Variants in SETMAR observed in about 807,000 individuals in gnomAD.
SETMAR encodes SET and mariner transposase domain methyltransferase.
In SETMAR, 44 loss-of-function variants were observed where a neutral mutation model predicts 58.4. The ratio of observed to expected loss-of-function variants is 0.75; its 90% confidence interval spans 0.59 to 0.97. The LOEUF (loss-of-function observed/expected upper bound fraction) is 0.97, where lower values mean the gene tolerates loss of function less well. Ranked by LOEUF, SETMAR falls within the 50% of genes least tolerant of loss-of-function variation. The pLI is 0.00. For synonymous variants in SETMAR, 332 were observed against 307.4 expected (o/e 1.08, Z -0.84); for missense variants, 903 against 840.2 (o/e 1.07, Z -0.92).
At chr3:4,310,713 T>C (rs555204955) in intron 1 of SETMAR, among the ~76,000 whole-genome samples, 2 of 152,302 alleles carry the variant, frequency 1.3e-5, no homozygotes, top group African/African-American at 4.8e-5. Flanking sequence ...GAAATAAAAC[T>C]GTTTTTCACC....
At position 4,316,969 on chromosome 3, in the gene SETMAR, A is replaced by G. The variant is rs1698686902; in HGVS notation, c.1778A>G (p.His593Arg). 1 of 1,549,356 alleles carries G rather than the reference A, an allele frequency of 6.5e-7. No individual in the cohort carries two copies. The highest frequency in any genetic ancestry group is 8.7e-7 in the Non-Finnish European group (1 of 1,146,776). The change falls in exon 3 of 3, where the codon CAT becomes CGT. Residue 593 changes from histidine to arginine, a missense_variant. His to Arg is a conservative substitution (Grantham distance 29). Transcript: ENST00000358065. Reference protein sequence around the residue: ...PILLHDNARPHVAQPTLQKLN... With the variant: ...PILLHDNARPRVAQPTLQKLN... ...CTTCTCCACGACAATGCCCGACCGCATGTTGCACAACCCACACTTCAAAAG... is the reference window on the plus strand; with the variant it reads ...CTTCTCCACGACAATGCCCGACCGCGTGTTGCACAACCCACACTTCAAAAG...
chr3:4,313,954 C>T, intron 2 of SETMAR, 193 bp downstream of exon 2: 3 of 989,354 alleles, frequency 3.0e-6, no homozygotes, highest in Non-Finnish European at 4.3e-6. Flanking sequence ...ACCCAGAATA[C>T]TCACTTTCCT....
At chr3:4,313,920 T>C (rs1386616753) in intron 2 of SETMAR, 159 bp downstream of exon 2, 1 of 1,319,630 alleles carries the variant, frequency 7.6e-7, no homozygotes, top group East Asian at 2.5e-5. Flanking sequence ...AATAGAATTC[T>C]CCATTTAACA....
chr3:4,306,747 C>CAT (rs1406508067), intron 1 of SETMAR, among the ~76,000 whole-genome samples: 1 of 152,236 alleles, frequency 6.6e-6, no homozygotes, highest in Non-Finnish European at 1.5e-5. Context: ...CCTTCACAGG[C>CAT]ATATGCACAC....
At chr3:4,311,065 G>A (rs1282011806) in intron 1 of SETMAR, among the ~76,000 whole-genome samples, 1 of 152,122 alleles carries the variant, frequency 6.6e-6, no homozygotes, top group Non-Finnish European at 1.5e-5. Flanking sequence ...AAAGCTGTAA[G>A]AAACAACACA....
chr3:4,316,192 G>C lies in SETMAR; in HGVS notation c.1021-20G>C. The C allele has an allele frequency of 1.5e-6, 1 of 664,840 alleles. No individual in the cohort carries two copies. Among genetic ancestry groups the C allele is most frequent in the Non-Finnish European group, 2.7e-6 (1 of 366,732 alleles). 41.2% of individuals were successfully genotyped at this position (664,840 alleles called of 1,614,324 possible). ...TTTTTTTGCTAATGACATCTTACTT[G>C]CTGTTTATGTTTATTTTAGACTATG... On this transcript the variant is annotated intron_variant, in intron 2 of 2. Coordinates refer to ENST00000358065, the MANE Select transcript of SETMAR (RefSeq NM_006515.4).
Position 4,312,927 on chromosome 3 carries a change from A to G in SETMAR, c.186A>G (p.Gly62=). 2 of 1,613,256 alleles carry G rather than the reference A, an allele frequency of 1.2e-6. No individual in the cohort carries two copies. Among genetic ancestry groups the G allele is most frequent in the East Asian group, 2.2e-5 (1 of 44,886 alleles). ...CTCCTGATCATGTAGTTGGACCTGG[A>G]GCAGACATTGATCCCACTCAAATAA... is the stretch of plus-strand genomic sequence containing the variant. The part of the protein sequence containing the change: ...QYTPDHVVGP[G]ADIDPTQITF... Residue 62 remains glycine (G), a synonymous_variant, in exon 2 of 3, where the codon GGA becomes GGG. Transcript: ENST00000358065.
At chr3:4,314,015 T>C (rs1698535382) in intron 2 of SETMAR, 2 of 600,090 alleles carry the variant, frequency 3.3e-6, no homozygotes, top group Admixed American at 6.8e-5. Flanking sequence ...TAAGCAAAAA[T>C]GACAAGTCCT....
chr3:4,307,285 CA>C (rs1355215526), intron 1 of SETMAR, among the ~76,000 whole-genome samples: 1 of 152,188 alleles, frequency 6.6e-6, no homozygotes, highest in Non-Finnish European at 1.5e-5. Context: ...TGCAATCTGG[CA>C]ATCGAAAAAT....
chr3:4,304,999 A>G (rs1488192407), intron 1 of SETMAR, among the ~76,000 whole-genome samples: 2 of 152,064 alleles, frequency 1.3e-5, no homozygotes, highest in African/African-American at 4.8e-5. Context: ...CTATAGGTAG[A>G]TTTTAATTTT....
intron 1 of SETMAR, among the ~76,000 whole-genome samples, chr3:4,308,585 A>C (rs1199787248): frequency 6.6e-6 from 1 of 152,220 alleles, no homozygotes; most frequent in Non-Finnish European, 1.5e-5. Flanking sequence ...TCCTTGTCTT[A>C]TAGCTACTAA....
At chr3:4,306,068 A>T (rs181485027) in intron 1 of SETMAR, among the ~76,000 whole-genome samples, 177 of 152,320 alleles carry the variant, frequency 1.2e-3, no homozygotes, top group South Asian at 2.3e-3. Flanking sequence ...TGCAAAGAAT[A>T]CAACAAACAG....
intron 1 of SETMAR, among the ~76,000 whole-genome samples, chr3:4,312,636 AG>A (rs2125096299): frequency 6.6e-6 from 1 of 151,290 alleles, no homozygotes; most frequent in East Asian, 1.9e-4. Context: ...GCTTGAGCCC[AG>A]GTTACAGTGA....
chr3:4,304,417 C>T (rs1244148076), intron 1 of SETMAR, among the ~76,000 whole-genome samples: 3 of 152,246 alleles, frequency 2.0e-5, no homozygotes, highest in Non-Finnish European at 4.4e-5. Flanking sequence ...GCTGGGATTA[C>T]AGGCATGAGC....
rs180978307 is a variant in SETMAR at position 4,317,224 on chromosome 3, G to A, written c.2033G>A (p.Cys678Tyr). Residue 678 changes from cysteine to tyrosine, a missense_variant, in exon 3 of 3, where the codon TGT becomes TAT. Coordinates refer to ENST00000358065, the MANE Select transcript of SETMAR (RefSeq NM_006515.4). ...TCTCGTTGGCAAAAATGTGTTGATT[G>A]TAATGGTTCCTATTTTGATTAATAA... ...LISRWQKCVD[C>Y]NGSYFD 1 of 1,543,212 alleles carries A rather than the reference G, an allele frequency of 6.5e-7. No individual in the cohort carries two copies. The highest frequency in any genetic ancestry group is 1.4e-5 in the African/African-American group (1 of 72,908).
At chr3:4,306,140 G>A (rs980184677) in intron 1 of SETMAR, among the ~76,000 whole-genome samples, 7 of 152,152 alleles carry the variant, frequency 4.6e-5, no homozygotes, top group South Asian at 2.1e-4. Flanking sequence ...TATTCCTGCC[G>A]TGCGTGTGTG....
chr3:4,314,824 C>T (rs923725367), intron 2 of SETMAR, among the ~76,000 whole-genome samples: 1 of 152,130 alleles, frequency 6.6e-6, no homozygotes, highest in Non-Finnish European at 1.5e-5. Flanking sequence ...AAAATAATTA[C>T]TAGAGCCCCT....
Position 4,316,935 on chromosome 3 carries a change from G to A in SETMAR, c.1744G>A (p.Gly582Ser), listed in dbSNP as rs1172709873. Residue 582 changes from glycine to serine, a missense_variant, in exon 3 of 3, where the codon GGC (glycine) becomes AGC (serine). Physicochemically the swap from Gly to Ser is moderately conservative, Grantham distance 56. Coordinates refer to ENST00000358065, the MANE Select transcript of SETMAR (RefSeq NM_006515.4). ...GCAGCTGGCATTGGTCAACAGAAAG[G>A]GCCCAATTCTTCTCCACGACAATGC... is the stretch of plus-strand genomic sequence containing the variant. ...RLQLALVNRK[G>S]PILLHDNARP... is the part of the protein sequence containing the mutation. 2.6e-6 allele frequency: 4 copies of A among 1,549,298 alleles called. No individual in the cohort carries two copies. In the East Asian group the frequency reaches 9.8e-5, roughly 38 times the overall value.
At chr3:4,310,776 A>G (rs369754817) in intron 1 of SETMAR, among the ~76,000 whole-genome samples, 19 of 149,670 alleles carry the variant, frequency 1.3e-4, no homozygotes, top group African/African-American at 4.6e-4. Flanking sequence ...TATCCATGTC[A>G]AAAAAAAAAC....
Sources: gnomAD v4.1 joint callset for allele counts (sites outside exome capture counted in the v4.1 genomes callset) on GRCh38, gnomAD v4.1.1 for gene constraint, MANE v1.5 for transcripts, NCBI Gene and HGNC (gene_info 2026-07-23, HGNC 2026-07-21) for gene names.